The following SEC14L1 variants were observed in gnomAD, a reference collection of about 807,000 sequenced individuals.
SEC14L1 encodes the protein SEC14-like protein 1.
A neutral mutation model predicts 85.3 loss-of-function variants in SEC14L1; 48 were observed. The observed-to-expected ratio is 0.56, with a 90% confidence interval of 0.45 to 0.72. The LOEUF is 0.72. Among genes scored for constraint, SEC14L1 ranks in the 30% least tolerant of loss-of-function variants. SEC14L1 has a pLI of 0.00. For synonymous variants in SEC14L1, 391 were observed against 355.5 expected, an observed-to-expected ratio of 1.10 and a Z score of -1.12; for missense variants, 682 against 921.4, an observed-to-expected ratio of 0.74 and a Z score of 3.36.
chr17:77,209,537 G>C, intron 14 of SEC14L1, 61 bp downstream of exon 14: 1 of 1,563,536 alleles, frequency 6.4e-7, no homozygotes, highest in South Asian at 1.2e-5. Context: ...CCTGGCCCTC[G>C]CAGGGCTTCC....
chr17:77,122,117 T>G (rs1027950953), intron 3 of SEC14L1, among the ~76,000 whole-genome samples: 23 of 152,254 alleles, frequency 1.5e-4, no homozygotes, highest in African/African-American at 5.3e-4. Context: ...ATTTGCTTTC[T>G]GCCTTCAACA....
intron 3 of SEC14L1, among the ~76,000 whole-genome samples, chr17:77,108,347 T>C (rs146110241): frequency 2.0e-5 from 3 of 152,274 alleles, no homozygotes; most frequent in Non-Finnish European, 4.4e-5. Flanking sequence ...GTGTGTCTCC[T>C]CTGGACAGTT....
chr17:77,205,195 A>C, intron 10 of SEC14L1, 81 bp from the exon 11 acceptor site: 1 of 1,169,872 alleles, frequency 8.5e-7, no homozygotes. Flanking sequence ...ATACGCTGTT[A>C]GTGTCCCTCT....
At chr17:77,158,798 CTTTTTTTTTTT>C (rs34186028) in intron 3 of SEC14L1, among the ~76,000 whole-genome samples, 82 of 39,230 alleles carry the variant, frequency 2.1e-3, no homozygotes, top group African/African-American at 5.9e-3. Context: ...GCTTTCTTTC[CTTTTTTTTTTT>C]TTTTTTTTTT....
intron 3 of SEC14L1, among the ~76,000 whole-genome samples, chr17:77,130,711 C>G (rs766199357): frequency 4.6e-5 from 7 of 152,158 alleles, no homozygotes; most frequent in Non-Finnish European, 8.8e-5. Flanking sequence ...CCTCCCTCTC[C>G]CGGGGTCAAG....
At position 77,188,010 on chromosome 17, in the gene SEC14L1, C is replaced by T. The variant is rs533086679; in HGVS notation, c.64-2793C>T. 5.3e-5 allele frequency among the ~76,000 whole-genome samples: 8 copies of T among 152,172 alleles called. No homozygotes were observed. The East Asian group carries it at 7.7e-4, about 15-fold the overall frequency. On this transcript the variant is annotated intron_variant, in intron 3 of 16. Transcript: ENST00000436233. ...TCTGCACGCCTGGGCCTCTGGATCG[C>T]TTAGGTTTTAATATGAATTCTGCAA...
At chr17:77,180,046 T>TTGTTATGTTATGTTA (rs67421763) in intron 3 of SEC14L1, among the ~76,000 whole-genome samples, 88 of 121,102 alleles carry the variant, frequency 7.3e-4, no homozygotes, top group African/African-American at 1.7e-3. Flanking sequence ...ATGTTTTGTT[T>TTGTTATGTTATGTTA]TGTTATGTTA....
In SEC14L1 at chr17:77,159,006, A is replaced by G. The variant is rs571782871; in HGVS notation, c.63+15347A>G. Among the ~76,000 whole-genome samples the G allele has an allele frequency of 2.0e-5, 3 of 150,398 alleles. No individual in the cohort carries two copies. The South Asian group carries it at 6.3e-4, about 32-fold the overall frequency. On this transcript the variant is annotated intron_variant, in intron 3 of 16. Transcript: ENST00000436233. ...ATTTTAATAAAAACAGGGTTTCACC[A>G]TGTTGGCCAGGCTGGTCTAGGACGC...
At chr17:77,200,744 T>G (rs546953362) in intron 9 of SEC14L1, 71 bp downstream of exon 9, 3 of 1,478,036 alleles carry the variant, frequency 2.0e-6, no homozygotes, top group Admixed American at 2.0e-5. Flanking sequence ...TTCCAAGGCC[T>G]CCTTCCCTGG....
At chr17:77,185,423 G>A (rs1166971939) in intron 3 of SEC14L1, 1 of 981,594 alleles carries the variant, frequency 1.0e-6, no homozygotes, top group Non-Finnish European at 1.2e-6. Flanking sequence ...CTACGTGGAT[G>A]GAGAATTTTA....
intron 1 of SEC14L1, chr17:77,089,126 G>A (rs1435263706): frequency 3.2e-6 from 1 of 310,424 alleles, no homozygotes; most frequent in East Asian, 9.5e-5. Context: ...TCCTTTTAAA[G>A]CACATTATGT....
At chr17:77,155,584 C>A (rs1337189430) in intron 3 of SEC14L1, among the ~76,000 whole-genome samples, 1 of 152,146 alleles carries the variant, frequency 6.6e-6, no homozygotes, top group Non-Finnish European at 1.5e-5. Context: ...CCAGACCACT[C>A]CTCCTTACAA....
intron 3 of SEC14L1, chr17:77,128,080 A>T (rs1972503022): frequency 6.6e-5 from 10 of 152,230 alleles, no homozygotes; most frequent in Admixed American, 6.5e-4. Context: ...CTCAGCCACC[A>T]GTTCGTGGTA....
rs1176559157 is a variant in SEC14L1 at position 77,142,740 on chromosome 17, C to T, written c.-41C>T. On this transcript the variant is annotated 5_prime_UTR_variant, in exon 2 of 17. Transcript: ENST00000436233. ...AAGTACCATTCTTAATGATTATCCT[C>T]AACAAGACAGGTAGGCTCATTCGAT... is the stretch of plus-strand genomic sequence containing the variant. 1 of 152,072 alleles carries T rather than the reference C, an allele frequency of 6.6e-6. No homozygotes were observed. The highest frequency in any genetic ancestry group is 1.5e-5 in the Non-Finnish European group (1 of 68,026). 9.4% of individuals were successfully genotyped at this position (152,072 alleles called of 1,614,324 possible).
chr17:77,190,141 T>C (rs1164914671), intron 3 of SEC14L1, among the ~76,000 whole-genome samples: 1 of 152,156 alleles, frequency 6.6e-6, no homozygotes, highest in East Asian at 1.9e-4. Context: ...ATACAAGGTG[T>C]GAGGTTTAGA....
chr17:77,191,045 C>T, intron 4 of SEC14L1, 93 bp downstream of exon 4: 1 of 1,551,720 alleles, frequency 6.4e-7, no homozygotes, highest in Admixed American at 1.7e-5. Flanking sequence ...GAGAGGGCAT[C>T]CTGGAGGGAG....
intron 3 of SEC14L1, among the ~76,000 whole-genome samples, chr17:77,112,372 A>G (rs903924611): frequency 2.0e-5 from 3 of 152,002 alleles, no homozygotes; most frequent in African/African-American, 7.3e-5. Context: ...GTTAAGAATT[A>G]TAATTTCTAA....
intron 3 of SEC14L1, among the ~76,000 whole-genome samples, chr17:77,166,113 T>C (rs762911191): frequency 9.2e-5 from 14 of 152,148 alleles, no homozygotes; most frequent in Non-Finnish European, 1.8e-4. Context: ...ATTGTACTTA[T>C]TCTTTGTTTT....
intron 3 of SEC14L1, among the ~76,000 whole-genome samples, chr17:77,118,335 T>A (rs1160157608): frequency 6.6e-6 from 1 of 152,200 alleles, no homozygotes; most frequent in Admixed American, 6.5e-5. Context: ...CCCAGTCAGG[T>A]CCCTTCGGAG....
Sources: gnomAD v4.1 joint callset for allele counts (sites outside exome capture counted in the v4.1 genomes callset) on GRCh38, gnomAD v4.1.1 for gene constraint, MANE v1.5 for transcripts, NCBI Gene and HGNC (gene_info 2026-07-23, HGNC 2026-07-21) for gene names.